The following BBX variants were observed in gnomAD, a reference collection of about 807,000 sequenced individuals.
The protein encoded by BBX is HMG box transcription factor BBX.
In BBX, 30 loss-of-function variants were observed where a neutral mutation model predicts 100.2. That is an observed-to-expected ratio of 0.30 (90% CI 0.22 to 0.41). The LOEUF is 0.41. Ranked by LOEUF, BBX falls within the 10% of genes least tolerant of loss-of-function variation. The probability of loss-of-function intolerance (pLI) is 1.00; values close to 1 mark genes in which losing one functional copy is unlikely to be tolerated. For missense variants in BBX, 1,023 were observed against 1,129.8 expected, an observed-to-expected ratio of 0.91 and a Z score of 1.35; for synonymous variants, 376 against 388.1, an observed-to-expected ratio of 0.97 and a Z score of 0.37.
chr3:107,772,742 A>C lies in BBX; in HGVS notation c.1021A>C (p.Lys341Gln), dbSNP rs780329353. ...GAAGGGAAAGGAAGAAAAAGAAATT[A>C]AAATGGAGAAAACAGATGAAACTAG... is the stretch of plus-strand genomic sequence containing the variant. Reference protein sequence around the residue: ...LEKGKEEKEIKMEKTDETRLQ... With the variant: ...LEKGKEEKEIQMEKTDETRLQ... The change falls in exon 11 of 18, where the codon AAA (lysine) becomes CAA (glutamine). Residue 341 changes from lysine (K) to glutamine (Q), a missense_variant. Around this residue, in one of 9 missense-constraint regions of BBX, gnomAD observed 348 missense variants for 353.2 expected, o/e 0.99. Coordinates refer to ENST00000325805, the MANE Select transcript of BBX (RefSeq NM_001142568.3). The C allele has an allele frequency of 2.4e-5, 38 of 1,612,276 alleles. No individual in the cohort carries two copies. Among genetic ancestry groups the C allele is most frequent in the Non-Finnish European group, 3.1e-5 (37 of 1,179,662 alleles).
chr3:107,675,333 C>T (rs1015869157), intron 3 of BBX, among the ~76,000 whole-genome samples: 5 of 152,130 alleles, frequency 3.3e-5, no homozygotes, highest in African/African-American at 1.2e-4. Context: ...GTTTTGAGCA[C>T]CTGCGGAGGA....
intron 10 of BBX, among the ~76,000 whole-genome samples, chr3:107,765,696 C>T (rs1349841905): frequency 6.6e-6 from 1 of 152,168 alleles, no homozygotes; most frequent in Non-Finnish European, 1.5e-5. Flanking sequence ...CGATGGCTGC[C>T]GACTGCCTTT....
chr3:107,729,400 C>A (rs1276517853), intron 6 of BBX, among the ~76,000 whole-genome samples: 3 of 152,126 alleles, frequency 2.0e-5, no homozygotes, highest in African/African-American at 7.2e-5. Context: ...ACAAGTACAT[C>A]ACAAATCTGA....
At chr3:107,752,103 A>G (rs2065122983) in intron 9 of BBX, among the ~76,000 whole-genome samples, 1 of 152,220 alleles carries the variant, frequency 6.6e-6, no homozygotes, top group Non-Finnish European at 1.5e-5. Flanking sequence ...TTGCATTGAA[A>G]AATTATATTT....
At chr3:107,637,642 A>T (rs2056931076) in intron 2 of BBX, among the ~76,000 whole-genome samples, 1 of 152,154 alleles carries the variant, frequency 6.6e-6, no homozygotes, top group Non-Finnish European at 1.5e-5. Flanking sequence ...ATTTCACAGG[A>T]TGTGTGATAG....
chr3:107,604,556 G>A (rs1047894090), intron 2 of BBX, among the ~76,000 whole-genome samples: 1 of 152,118 alleles, frequency 6.6e-6, no homozygotes, highest in African/African-American at 2.4e-5. Flanking sequence ...CAGTAAAGCT[G>A]TAACTCCATG....
intron 8 of BBX, among the ~76,000 whole-genome samples, chr3:107,745,696 G>A (rs1412973855): frequency 1.3e-5 from 2 of 151,746 alleles, no homozygotes; most frequent in African/African-American, 4.8e-5. Flanking sequence ...TCAGGCGATC[G>A]TCCCACCTCA....
At chr3:107,608,339 TGTATGTTCTTG>T (rs1436213694) in intron 2 of BBX, among the ~76,000 whole-genome samples, 4 of 152,148 alleles carry the variant, frequency 2.6e-5, no homozygotes, top group Non-Finnish European at 5.9e-5. Context: ...CTTTCCCCAG[TGTATGTTCTTG>T]GTACCTTTGT....
chr3:107,540,874 T>G (rs2048817702), intron 2 of BBX, among the ~76,000 whole-genome samples: 1 of 152,188 alleles, frequency 6.6e-6, no homozygotes, highest in Non-Finnish European at 1.5e-5. Context: ...ATGTATTCAC[T>G]CCTCTTTTTG....
At position 107,635,715 on chromosome 3, in the gene BBX, CT is replaced by C. The variant is rs780828594; in HGVS notation, c.-83-10106del. 9.3e-3 allele frequency among the ~76,000 whole-genome samples: 1,307 copies of C among 140,998 alleles called. 9 individuals are homozygous for C. Among genetic ancestry groups the C allele is most frequent in the African/African-American group, 0.023 (873 of 38,468 alleles). The allele number at this position is 140,998 out of a possible 152,430, so 92.5% of individuals were successfully genotyped here. On this transcript the variant is annotated intron_variant, in intron 2 of 17. Coordinates refer to ENST00000325805, the MANE Select transcript of BBX (RefSeq NM_001142568.3). ...TATATATGTGGTTCAGTATTTTCAT[CT>C]TTTTTTTTTTTTTTGGGATGGATTC... is the stretch of plus-strand genomic sequence containing the variant.
At chr3:107,565,917 T>C (rs1404130438) in intron 2 of BBX, among the ~76,000 whole-genome samples, 1 of 151,886 alleles carries the variant, frequency 6.6e-6, no homozygotes, top group Admixed American at 6.6e-5. Context: ...CTCACACCTA[T>C]AATCCTAGCA....
chr3:107,771,989 A>G (rs1302003123), intron 10 of BBX, among the ~76,000 whole-genome samples: 1 of 152,174 alleles, frequency 6.6e-6, no homozygotes, highest in African/African-American at 2.4e-5. Flanking sequence ...CTTTTTGTGT[A>G]CCAACAAGAA....
At chr3:107,744,755 G>T in intron 8 of BBX, 45 bp downstream of exon 8, 1 of 1,505,506 alleles carries the variant, frequency 6.6e-7, no homozygotes, top group East Asian at 2.3e-5. Context: ...AAATTGTAAA[G>T]TGGGCTTAAA....
intron 5 of BBX, among the ~76,000 whole-genome samples, chr3:107,717,829 C>T (rs922127521): frequency 3.9e-5 from 6 of 152,070 alleles, no homozygotes; most frequent in Non-Finnish European, 8.8e-5. Context: ...TGTGGCTAAA[C>T]TTGAAAGGAA....
chr3:107,775,996 T>C (rs79550497), intron 12 of BBX, among the ~76,000 whole-genome samples: 3,499 of 152,296 alleles, frequency 0.023, 128 homozygotes, highest in African/African-American at 0.077. Context: ...AAATTAGTTT[T>C]GCTTACATTT....
At chr3:107,612,781 C>CT (rs1411231335) in intron 2 of BBX, among the ~76,000 whole-genome samples, 10 of 152,174 alleles carry the variant, frequency 6.6e-5, no homozygotes, top group African/African-American at 2.4e-4. Flanking sequence ...CCTAGGGCTC[C>CT]ACAGTCAGCA....
chr3:107,800,772 A>G (rs2070363651), intron 16 of BBX, among the ~76,000 whole-genome samples: 1 of 152,226 alleles, frequency 6.6e-6, no homozygotes, highest in Admixed American at 6.5e-5. Context: ...CCTCTACAGA[A>G]GTCCCTTGGG....
chr3:107,708,412 A>G (rs2061511174), intron 3 of BBX, among the ~76,000 whole-genome samples: 1 of 152,172 alleles, frequency 6.6e-6, no homozygotes. Context: ...GTGGTGGCTC[A>G]CACCTGTAAT....
At chr3:107,523,643 T>C (rs1437236685) in intron 1 of BBX, 1 of 151,212 alleles carries the variant, frequency 6.6e-6, no homozygotes, top group Admixed American at 6.6e-5. Flanking sequence ...AAACTTCATC[T>C]CGGCGAAAGT....
Sources: gnomAD v4.1 joint callset for allele counts (sites outside exome capture counted in the v4.1 genomes callset) on GRCh38, gnomAD v4.1.1 for gene constraint, gnomAD v4.1.1 regional missense constraint, MANE v1.5 for transcripts, NCBI Gene and HGNC (gene_info 2026-07-23, HGNC 2026-07-21) for gene names.